NRXN3: variants seen among roughly 807,000 people sequenced by gnomAD.
NRXN3 encodes the protein neurexin 3, also known as neurexin III.
Under a neutral mutation model 137.6 loss-of-function variants are expected in NRXN3, and 32 were observed. The observed-to-expected ratio is 0.23, with a 90% CI of 0.18 to 0.31. The LOEUF (loss-of-function observed/expected upper bound fraction) is 0.31. NRXN3 is among the 10% of genes least tolerant of loss of function. The pLI is 1.00. For synonymous variants in NRXN3, 798 were observed against 784.5 expected (o/e 1.02, Z -0.29); for missense variants, 1,574 against 2,062.5 (o/e 0.76, Z 4.59).
intron 4 of NRXN3, among the ~76,000 whole-genome samples, chr14:78,639,237 T>C (rs981183963): frequency 6.6e-6 from 1 of 152,222 alleles, no homozygotes; most frequent in Admixed American, 6.5e-5. Flanking sequence ...CAGGTTATCT[T>C]TGCATGAATA....
At chr14:78,193,073 C>T (rs186006491) in intron 1 of NRXN3, among the ~76,000 whole-genome samples, 2 of 152,194 alleles carry the variant, frequency 1.3e-5, no homozygotes, top group Non-Finnish European at 1.5e-5. Flanking sequence ...ATTATTGTTG[C>T]GGACAACTCC....
intron 15 of NRXN3, among the ~76,000 whole-genome samples, chr14:79,379,531 G>A (rs780609416): frequency 2.0e-5 from 3 of 152,188 alleles, no homozygotes; most frequent in South Asian, 2.1e-4. Context: ...GGACACTCTC[G>A]CTTGTATCTA....
intron 1 of NRXN3, among the ~76,000 whole-genome samples, chr14:78,236,968 G>A (rs1433747982): frequency 6.6e-6 from 1 of 152,206 alleles, no homozygotes; most frequent in Non-Finnish European, 1.5e-5. Context: ...ATGTGAGCTT[G>A]CCCTAATGGT....
chr14:78,215,603 G>T (rs1241563389), intron 1 of NRXN3, among the ~76,000 whole-genome samples: 1 of 152,144 alleles, frequency 6.6e-6, no homozygotes, highest in African/African-American at 2.4e-5. Context: ...TGTGGAAATT[G>T]CATTCTGGAG....
chr14:78,281,767 G>A (rs553296505), intron 3 of NRXN3, among the ~76,000 whole-genome samples: 4 of 152,184 alleles, frequency 2.6e-5, no homozygotes, highest in Non-Finnish European at 5.9e-5. Flanking sequence ...AAAAGCTGCT[G>A]CAGGGAGCTT....
At chr14:78,286,856 A>C (rs8012772) in intron 3 of NRXN3, among the ~76,000 whole-genome samples, 128 of 152,322 alleles carry the variant, frequency 8.4e-4, no homozygotes, top group Non-Finnish European at 1.7e-3. Context: ...TTCTGAAAGG[A>C]TATTTTGCAG....
intron 14 of NRXN3, among the ~76,000 whole-genome samples, chr14:78,977,183 G>A (rs190150604): frequency 4.9e-4 from 75 of 152,208 alleles, no homozygotes; most frequent in Non-Finnish European, 7.9e-4. Context: ...CTATTATGCC[G>A]TATGGTGTGA....
intron 4 of NRXN3, among the ~76,000 whole-genome samples, chr14:78,534,488 C>G (rs1341339505): frequency 6.6e-6 from 1 of 152,172 alleles, no homozygotes; most frequent in Non-Finnish European, 1.5e-5. Flanking sequence ...GCTGCCCAAT[C>G]TATAACGAAT....
Position 79,462,095 on chromosome 14 carries a change from C to T in NRXN3, c.3263-5126C>T, listed in dbSNP as rs566980299. Among the ~76,000 whole-genome samples the T allele has an allele frequency of 9.4e-4, 143 of 152,210 alleles. 1 individual carries two copies. The highest frequency in any genetic ancestry group is 3.4e-3 in the Middle Eastern group (1 of 294). ...CTCCTTAAATTTAACTCTCAGAGGC[C>T]GGGTGTGGTGGCTCATGCCTGTAAT... On this transcript the variant is annotated intron_variant, in intron 15 of 20. Transcript: ENST00000335750.
intron 15 of NRXN3, among the ~76,000 whole-genome samples, chr14:79,090,676 G>A (rs1015667649): frequency 6.6e-6 from 1 of 151,994 alleles, no homozygotes; most frequent in African/African-American, 2.4e-5. Flanking sequence ...TCCACCAACT[G>A]TCAGCAGAAG....
chr14:79,048,250 T>G (rs2099635987), intron 15 of NRXN3, among the ~76,000 whole-genome samples: 1 of 152,138 alleles, frequency 6.6e-6, no homozygotes, highest in African/African-American at 2.4e-5. Flanking sequence ...CAATACTAAT[T>G]GCCTATGAGT....
chr14:79,147,654 C>T (rs1221398331), intron 15 of NRXN3, among the ~76,000 whole-genome samples: 7 of 152,098 alleles, frequency 4.6e-5, no homozygotes, highest in Admixed American at 2.0e-4. Context: ...GAAGCCTTCA[C>T]AAGCAGAGGC....
intron 14 of NRXN3, among the ~76,000 whole-genome samples, chr14:78,971,578 A>G (rs184817302): frequency 5.3e-5 from 8 of 152,272 alleles, no homozygotes; most frequent in African/African-American, 1.7e-4. Flanking sequence ...CAGACCCATG[A>G]CAGCAGGTAA....
chr14:78,901,329 C>T (rs2099195585), intron 10 of NRXN3, among the ~76,000 whole-genome samples: 1 of 151,866 alleles, frequency 6.6e-6, no homozygotes, highest in Non-Finnish European at 1.5e-5. Context: ...TATCTTGGCT[C>T]TAACTCACCT....
chr14:78,205,836 C>T (rs2062132129), intron 1 of NRXN3, among the ~76,000 whole-genome samples: 1 of 152,170 alleles, frequency 6.6e-6, no homozygotes, highest in African/African-American at 2.4e-5. Flanking sequence ...GCCAAGATCA[C>T]TTTGGCTCCA....
At chr14:78,258,217 T>C (rs2070005663) in intron 2 of NRXN3, among the ~76,000 whole-genome samples, 1 of 152,180 alleles carries the variant, frequency 6.6e-6, no homozygotes, top group Non-Finnish European at 1.5e-5. Flanking sequence ...TGTTAGCCAT[T>C]ATTGTAATTG....
chr14:78,880,184 G>A, intron 10 of NRXN3, among the ~76,000 whole-genome samples: 1 of 133,812 alleles, frequency 7.5e-6, no homozygotes, highest in East Asian at 2.1e-4. Flanking sequence ...AGCTTGCAGT[G>A]AGCCGAGATC....
chr14:79,315,012 C>T lies in NRXN3; in HGVS notation c.3263-152209C>T, dbSNP rs534591716. Among the ~76,000 whole-genome samples the T allele has an allele frequency of 8.5e-5, 13 of 152,316 alleles. No individual in the cohort carries two copies. In the East Asian group the frequency reaches 2.5e-3, roughly 29 times the overall value. ...ATATGCTATGGTCTGTCCAAATCTTCTGTGGCTGCCACTACAGCCTGATTT... is the reference window on the plus strand; with the variant it reads ...ATATGCTATGGTCTGTCCAAATCTTTTGTGGCTGCCACTACAGCCTGATTT... On this transcript the variant is annotated intron_variant, in intron 15 of 20. Transcript: ENST00000335750.
intron 19 of NRXN3, among the ~76,000 whole-genome samples, chr14:79,723,134 T>C (rs866282153): frequency 6.6e-6 from 1 of 152,162 alleles, no homozygotes; most frequent in Middle Eastern, 3.4e-3. Flanking sequence ...CGGAGAAAAA[T>C]ATGCCAACAT....
Sources: gnomAD v4.1 joint callset for allele counts (sites outside exome capture counted in the v4.1 genomes callset) on GRCh38, gnomAD v4.1.1 for gene constraint, MANE v1.5 for transcripts, NCBI Gene and HGNC (gene_info 2026-07-23, HGNC 2026-07-21) for gene names.